The following TLL1 variants were observed in gnomAD, a reference collection of about 807,000 sequenced individuals.
The protein encoded by TLL1 is tolloid-like protein 1.
Under a neutral mutation model 128.2 loss-of-function variants are expected in TLL1, and 49 were observed. The observed-to-expected ratio is 0.38, with a 90% confidence interval of 0.30 to 0.48. The LOEUF is 0.48. TLL1 is among the 20% of genes least tolerant of loss of function. The pLI is 0.96. For missense variants in TLL1, 1,123 were observed against 1,242.0 expected (o/e 0.90, Z 1.44); for synonymous variants, 454 against 418.8 (o/e 1.08, Z -1.03).
chr4:165,874,018 T>C lies in TLL1; in HGVS notation c.114T>C (p.Asp38=), dbSNP rs1279448258. The change falls in exon 1 of 21, where the codon GAT becomes GAC. Residue 38 remains aspartate (D), a synonymous_variant. Transcript: ENST00000061240. The part of the protein sequence containing the change: ...CAGLDYDYTF[D]GNEEDKTETI... ...GCCTCGATTATGATTACACTTTTGA[T>C]GGGAACGAAGAGGATAAAACAGAGA... 6 of 1,613,998 alleles carry C rather than the reference T, an allele frequency of 3.7e-6. No individual in the cohort carries two copies. In the Admixed American group the frequency reaches 1.0e-4, roughly 27 times the overall value.
chr4:165,928,033 T>C (rs991297938), intron 1 of TLL1, among the ~76,000 whole-genome samples: 1 of 152,182 alleles, frequency 6.6e-6, no homozygotes, highest in African/African-American at 2.4e-5. Flanking sequence ...TTCAGAGTGA[T>C]TTCTCAGGGT....
chr4:165,952,851 G>A (rs776329757), intron 1 of TLL1, among the ~76,000 whole-genome samples: 3 of 151,926 alleles, frequency 2.0e-5, no homozygotes, highest in Non-Finnish European at 4.4e-5. Context: ...AAATTATAAT[G>A]GACATAGCAT....
chr4:165,899,116 T>C lies in TLL1; in HGVS notation c.169+25043T>C, dbSNP rs150329877. On this transcript the variant is annotated intron_variant, in intron 1 of 20. Transcript: ENST00000061240. ...TTTTATTGTGTCTATTTGATTCTTC[T>C]GTCTTTTGTCTGGCTAGTGGTCTAT... Among the ~76,000 whole-genome samples the C allele has an allele frequency of 3.6e-4, 54 of 148,062 alleles. No homozygotes were observed. In the East Asian group the frequency reaches 0.011, roughly 30 times the overall value.
intron 18 of TLL1, among the ~76,000 whole-genome samples, chr4:166,087,785 G>T (rs1741591281): frequency 6.6e-6 from 1 of 152,116 alleles, no homozygotes; most frequent in Non-Finnish European, 1.5e-5. Flanking sequence ...GGCCAGCCAG[G>T]TAGATTAGGC....
At chr4:166,008,166 G>T in intron 7 of TLL1, 118 bp downstream of exon 7, 1 of 669,848 alleles carries the variant, frequency 1.5e-6, no homozygotes. Context: ...CCTCACTGCA[G>T]AAAGTAGAAA....
chr4:165,987,541 G>A lies in TLL1; in HGVS notation c.170-1840G>A, dbSNP rs80287240. ...TTTGCTGCTATGAGAGTAAACGAAA[G>A]TAAGCATTTCTTTGCTTCTTTAGAC... On this transcript the variant is annotated intron_variant, in intron 1 of 20. Coordinates refer to ENST00000061240, the MANE Select transcript of TLL1 (RefSeq NM_012464.5). 1.6e-3 allele frequency among the ~76,000 whole-genome samples: 246 copies of A among 152,192 alleles called. 4 individuals are homozygous for A. The East Asian group carries it at 0.043, about 26-fold the overall frequency.
At position 166,045,480 on chromosome 4, in the gene TLL1, C is replaced by T. The variant is rs568065062; in HGVS notation, c.1524+2061C>T. On this transcript the variant is annotated intron_variant, in intron 12 of 20. Transcript: ENST00000061240. The stretch of plus-strand genomic sequence containing the variant: ...ATACCTCATACACGATGACTTTACA[C>T]CACCACTGTTCTCATCATCACCCCT... Among the ~76,000 whole-genome samples the T allele has an allele frequency of 2.0e-5, 3 of 152,178 alleles. No homozygotes were observed. The South Asian group carries it at 6.2e-4, about 32-fold the overall frequency.
chr4:165,890,476 G>A (rs1731349461), intron 1 of TLL1, among the ~76,000 whole-genome samples: 2 of 152,206 alleles, frequency 1.3e-5, no homozygotes, highest in Non-Finnish European at 2.9e-5. Flanking sequence ...TATGGTGAGG[G>A]CTCAGGCATT....
In TLL1 at chr4:166,052,965, G is replaced by GTATATATATATATATATA. The variant is rs61229255; in HGVS notation, c.1525-2094_1525-2093insATATATATATATATATAT. On this transcript the variant is annotated intron_variant, in intron 12 of 20. Coordinates refer to ENST00000061240, the MANE Select transcript of TLL1 (RefSeq NM_012464.5). ...TAAAGACTGAGATAAGAGGTTATGT[G>GTATATATATATATATATA]TATATATATATATATATTTGGCCAA... Among the ~76,000 whole-genome samples the GTATATATATATATATATA allele has an allele frequency of 7.6e-3, 760 of 99,676 alleles. 39 individuals are homozygous for GTATATATATATATATATA. Among genetic ancestry groups the GTATATATATATATATATA allele is most frequent in the African/African-American group, 0.028 (724 of 26,262 alleles). 65.4% of individuals were successfully genotyped at this position (99,676 alleles called of 152,430 possible).
intron 1 of TLL1, among the ~76,000 whole-genome samples, chr4:165,891,221 T>C (rs117610245): frequency 0.031 from 4,661 of 152,232 alleles, 196 homozygotes; most frequent in African/African-American, 0.099. Flanking sequence ...GGGGCTGCCA[T>C]GAAGACCTCT....
chr4:165,928,867 A>C (rs377043469), intron 1 of TLL1, among the ~76,000 whole-genome samples: 3 of 152,226 alleles, frequency 2.0e-5, no homozygotes. Flanking sequence ...AAGTTCAAGT[A>C]CAACAAATCC....
rs190922738 is a variant in TLL1, at chr4:165,960,071, C to G, written c.170-29310C>G. Among the ~76,000 whole-genome samples the G allele has an allele frequency of 3.9e-5, 6 of 152,034 alleles. No homozygotes were observed. The East Asian group carries it at 1.2e-3, about 29-fold the overall frequency. ...CAAGTTGGTTGTTTGAAAGAATAAA[C>G]AAGATTGGTAGATCACTAGTTAGAT... On this transcript the variant is annotated intron_variant, in intron 1 of 20. Transcript: ENST00000061240.
At chr4:165,902,935 C>T (rs533261563) in intron 1 of TLL1, among the ~76,000 whole-genome samples, 15 of 152,228 alleles carry the variant, frequency 9.9e-5, no homozygotes, top group East Asian at 3.9e-4. Context: ...AGTTGGGCAA[C>T]GATTTAAGAT....
chr4:165,880,112 A>T (rs528060112), intron 1 of TLL1, among the ~76,000 whole-genome samples: 57 of 152,324 alleles, frequency 3.7e-4, no homozygotes, highest in African/African-American at 1.2e-3. Context: ...AATGACATAG[A>T]TCGTGTTCTT....
At chr4:166,073,169 G>A (rs987851589) in intron 16 of TLL1, among the ~76,000 whole-genome samples, 9 of 152,010 alleles carry the variant, frequency 5.9e-5, no homozygotes, top group African/African-American at 1.2e-4. Flanking sequence ...CTGAAGCTTC[G>A]TAAGGTAAAG....
In TLL1 at chr4:166,079,720, A is replaced by G. The variant is rs72697390; in HGVS notation, c.2442+1690A>G. 2.1e-3 allele frequency among the ~76,000 whole-genome samples: 315 copies of G among 152,054 alleles called. 1 individual carries two copies. Among genetic ancestry groups the G allele is most frequent in the Non-Finnish European group, 3.3e-3 (226 of 67,986 alleles). ...CTGTCATTAATTTTTGAAAATTCTCAATTGTTATTTCTTCATATAATTCAT... is the reference window on the plus strand; with the variant it reads ...CTGTCATTAATTTTTGAAAATTCTCGATTGTTATTTCTTCATATAATTCAT... On this transcript the variant is annotated intron_variant, in intron 18 of 20. Transcript: ENST00000061240.
chr4:166,043,482 G>A, intron 12 of TLL1, 63 bp downstream of exon 12: 3 of 1,601,658 alleles, frequency 1.9e-6, no homozygotes, highest in South Asian at 2.2e-5. Context: ...GCATTTAAGA[G>A]AATCCTCATT....
rs115365627 is a variant in TLL1 at position 165,949,681 on chromosome 4, G to C, written c.170-39700G>C. Among the ~76,000 whole-genome samples the C allele has an allele frequency of 4.1e-3, 617 of 152,122 alleles. 4 individuals are homozygous for C. The highest frequency in any genetic ancestry group is 0.013 in the African/African-American group (560 of 41,510). ...CGAGAACAGAGAGAGTCAAGCAAAA[G>C]GGGTTTCTTCCTGTGAAACCAATAT... On this transcript the variant is annotated intron_variant, in intron 1 of 20. Transcript: ENST00000061240.
At position 166,100,959 on chromosome 4, in the gene TLL1, A is replaced by T. The variant is rs969230644; in HGVS notation, c.*83A>T. On this transcript the variant is annotated 3_prime_UTR_variant, in exon 21 of 21. Transcript: ENST00000061240. ...TTTTTAAAACTGAAGATATTGGCAC[A>T]AATGTTTTATACAAAGAGTTTGAAC... 2.9e-5 allele frequency: 44 copies of T among 1,530,762 alleles called. No homozygotes were observed. The Admixed American group carries it at 5.4e-4, about 19-fold the overall frequency. 94.8% of individuals were successfully genotyped at this position (1,530,762 alleles called of 1,614,324 possible). A position where few individuals can be genotyped will look rare whatever the true frequency, so the allele number is the denominator to read the frequency against.
Sources: gnomAD v4.1 joint callset for allele counts (sites outside exome capture counted in the v4.1 genomes callset) on GRCh38, gnomAD v4.1.1 for gene constraint, MANE v1.5 for transcripts, NCBI Gene and HGNC (gene_info 2026-07-23, HGNC 2026-07-21) for gene names.